TULP4: variants seen among roughly 807,000 people sequenced by gnomAD.
TULP4 encodes the protein tubby-related protein 4.
TULP4 carries 16 observed loss-of-function variants against 129.0 expected under a neutral mutation model. That is an observed-to-expected ratio of 0.12 (90% CI 0.08 to 0.19). TULP4 has a LOEUF of 0.19. TULP4 is among the 10% of genes least tolerant of loss of function. TULP4 has a pLI of 1.00. For synonymous variants in TULP4, 998 were observed against 854.0 expected, an observed-to-expected ratio of 1.17 and a Z score of -2.94; for missense variants, 1,842 against 2,059.1, an observed-to-expected ratio of 0.89 and a Z score of 2.04.
At chr6:158,457,945 A>G in intron 5 of TULP4, among the ~76,000 whole-genome samples, 1 of 151,782 alleles carries the variant, frequency 6.6e-6, no homozygotes, top group East Asian at 1.9e-4. Flanking sequence ...TGTACCTGTT[A>G]TTTTATCATC....
intron 6 of TULP4, among the ~76,000 whole-genome samples, chr6:158,472,873 A>ATG (rs535902898): frequency 2.6e-4 from 40 of 152,318 alleles, no homozygotes; most frequent in African/African-American, 8.9e-4. Context: ...ACATGTTGTA[A>ATG]TGTAAAATTC....
At chr6:158,266,699 TATAA>T (rs1298716233) in intron 1 of TULP4, among the ~76,000 whole-genome samples, 1 of 152,216 alleles carries the variant, frequency 6.6e-6, no homozygotes, top group African/African-American at 2.4e-5. Context: ...TATTAGGTAA[TATAA>T]ATAATCTAGA....
chr6:158,305,586 T>A (rs1779205525), intron 1 of TULP4, among the ~76,000 whole-genome samples: 1 of 151,712 alleles, frequency 6.6e-6, no homozygotes, highest in South Asian at 2.1e-4. Context: ...GCACCTGTAG[T>A]CTCAGCTATT....
At chr6:158,418,651 C>A (rs1382691263) in intron 2 of TULP4, among the ~76,000 whole-genome samples, 1 of 152,158 alleles carries the variant, frequency 6.6e-6, no homozygotes, top group East Asian at 1.9e-4. Flanking sequence ...ACCCTGTAGT[C>A]CCAGCTACTC....
At chr6:158,344,163 C>G (rs143892950) in intron 1 of TULP4, among the ~76,000 whole-genome samples, 3 of 152,214 alleles carry the variant, frequency 2.0e-5, no homozygotes, top group African/African-American at 4.8e-5. Context: ...AGATCCACCC[C>G]CTGCCCGCAA....
intron 1 of TULP4, among the ~76,000 whole-genome samples, chr6:158,302,227 G>T (rs1779144820): frequency 6.6e-6 from 1 of 152,202 alleles, no homozygotes; most frequent in South Asian, 2.1e-4. Context: ...CCCTGAGGAA[G>T]TACTTTCCAT....
upstream of TULP4, among the ~76,000 whole-genome samples, chr6:158,308,202 TCTTAACGAGCATGCTGC>T (rs1779250726): frequency 2.2e-5 from 1 of 44,544 alleles, no homozygotes; most frequent in African/African-American, 5.7e-5. Flanking sequence ...TGGTGATGAC[TCTTAACGAGCATGCTGC>T]CTTCAAGCAT....
At chr6:158,306,820 G>A (rs758090113) in intron 1 of TULP4, among the ~76,000 whole-genome samples, 5 of 152,140 alleles carry the variant, frequency 3.3e-5, no homozygotes, top group Non-Finnish European at 5.9e-5. Flanking sequence ...CGGAGTTCGA[G>A]ACCAGCCTGG....
chr6:158,440,392 A>G (rs1286073449), intron 3 of TULP4, among the ~76,000 whole-genome samples: 2 of 151,800 alleles, frequency 1.3e-5, no homozygotes, highest in Non-Finnish European at 2.9e-5. Context: ...TACACTGGAA[A>G]CCCTTACTGG....
intron 4 of TULP4, among the ~76,000 whole-genome samples, chr6:158,451,103 GA>G (rs565378062): frequency 1.8e-4 from 27 of 148,718 alleles, no homozygotes; most frequent in Admixed American, 8.1e-4. Flanking sequence ...GAAAAGAAAG[GA>G]AAAAAAAACA....
At chr6:158,232,704 G>C (rs760559652) in intron 1 of TULP4, among the ~76,000 whole-genome samples, 2 of 152,046 alleles carry the variant, frequency 1.3e-5, no homozygotes, top group East Asian at 1.9e-4. Context: ...CCCTGAAAAC[G>C]GTTTCCCCAG....
intron 1 of TULP4, among the ~76,000 whole-genome samples, chr6:158,285,688 A>G (rs1265174401): frequency 6.6e-6 from 1 of 152,238 alleles, no homozygotes; most frequent in African/African-American, 2.4e-5. Context: ...TTGTATGGGC[A>G]CGGGTCCATT....
chr6:158,235,710 A>G (rs1163346368), intron 1 of TULP4, among the ~76,000 whole-genome samples: 2 of 152,186 alleles, frequency 1.3e-5, no homozygotes, highest in Non-Finnish European at 1.5e-5. Context: ...CATTTTGTTG[A>G]TAAACGTTCT....
intron 2 of TULP4, among the ~76,000 whole-genome samples, chr6:158,425,404 T>C (rs1297194612): frequency 6.7e-6 from 1 of 149,514 alleles, no homozygotes; most frequent in Non-Finnish European, 1.5e-5. Flanking sequence ...TCCCAGCTAC[T>C]CGGGAGGCTG....
intron 6 of TULP4, among the ~76,000 whole-genome samples, chr6:158,462,385 CTTT>C (rs61200391): frequency 3.0e-5 from 4 of 134,554 alleles, no homozygotes; most frequent in Admixed American, 7.4e-5. Flanking sequence ...TTTTTTCTTT[CTTT>C]TTTTTTTTTT....
chr6:158,464,409 G>C (rs1167978484), intron 6 of TULP4, among the ~76,000 whole-genome samples: 1 of 152,178 alleles, frequency 6.6e-6, no homozygotes, highest in Non-Finnish European at 1.5e-5. Context: ...TTGCCTAAAG[G>C]CTTGAAGTCA....
At chr6:158,457,399 G>T (rs1779315929) in intron 5 of TULP4, among the ~76,000 whole-genome samples, 1 of 152,150 alleles carries the variant, frequency 6.6e-6, no homozygotes, top group Non-Finnish European at 1.5e-5. Context: ...GGGCTCAAAG[G>T]CCGGGTTCTG....
chr6:158,300,310 A>T (rs1265873619), intron 1 of TULP4, among the ~76,000 whole-genome samples: 2 of 152,126 alleles, frequency 1.3e-5, no homozygotes, highest in African/African-American at 4.8e-5. Context: ...GCTTGCCTTC[A>T]TTTAGGGAGA....
intron 1 of TULP4, among the ~76,000 whole-genome samples, chr6:158,284,987 A>G (rs6907044): frequency 0.012 from 1,809 of 152,288 alleles, 39 homozygotes; most frequent in African/African-American, 0.04. Flanking sequence ...GATCACAGAT[A>G]GTACAAGGAC....
Sources: gnomAD v4.1 joint callset for allele counts (sites outside exome capture counted in the v4.1 genomes callset) on GRCh38, gnomAD v4.1.1 for gene constraint, MANE v1.5 for transcripts, NCBI Gene and HGNC (gene_info 2026-07-23, HGNC 2026-07-21) for gene names.